Variants in RREB1 observed in about 807,000 individuals in gnomAD.
The protein encoded by RREB1 is ras responsive element binding protein 1, also known as ras-responsive element-binding protein 1.
In RREB1, 27 loss-of-function variants were observed where a neutral mutation model predicts 117.8. The observed-to-expected ratio is 0.23, with a 90% CI of 0.17 to 0.32. The LOEUF (loss-of-function observed/expected upper bound fraction) is 0.32. Ranked by LOEUF, RREB1 falls within the 10% of genes least tolerant of loss-of-function variation. The pLI, the probability that RREB1 is intolerant of heterozygous loss-of-function variation, is 1.00. For missense variants in RREB1, 2,577 were observed against 2,378.2 expected (o/e 1.08, Z -1.74); for synonymous variants, 1,298 against 1,026.7 (o/e 1.26, Z -5.05).
chr6:7,199,893 C>A (rs2113586013), intron 6 of RREB1, among the ~76,000 whole-genome samples: 1 of 152,126 alleles, frequency 6.6e-6, no homozygotes, highest in East Asian at 1.9e-4. Flanking sequence ...GTGGTTCTTT[C>A]CAGAATTTTT....
At position 7,246,734 on chromosome 6, in the gene RREB1, G is replaced by A. The variant is rs1474213806; in HGVS notation, c.4284G>A (p.Lys1428=). The change falls in exon 12 of 13, where the codon AAG becomes AAA. Residue 1428 remains lysine (K), a synonymous_variant. Transcript: ENST00000379938. ...TCGCCACCAAGCTCATGGACTTCAA[G>A]CTGGCGGAGGGCGACGGCGAGGCAG... The part of the protein sequence containing the change: ...LDFATKLMDF[K]LAEGDGEAGA... 10 of 1,578,512 alleles carry A rather than the reference G, an allele frequency of 6.3e-6. No homozygotes were observed. The highest frequency in any genetic ancestry group is 2.3e-5 in the East Asian group (1 of 42,750).
chr6:7,133,501 C>T (rs1272883113), intron 1 of RREB1, among the ~76,000 whole-genome samples: 2 of 152,056 alleles, frequency 1.3e-5, no homozygotes, highest in African/African-American at 4.8e-5. Flanking sequence ...GCAGGAGGAT[C>T]GCTTGAACCT....
chr6:7,136,108 A>T (rs1335401379), intron 1 of RREB1, among the ~76,000 whole-genome samples: 1 of 152,170 alleles, frequency 6.6e-6, no homozygotes, highest in East Asian at 1.9e-4. Flanking sequence ...ATGACTTTTG[A>T]TGGAACTGAC....
chr6:7,124,808 A>T (rs1356094944), intron 1 of RREB1, among the ~76,000 whole-genome samples: 1 of 152,186 alleles, frequency 6.6e-6, no homozygotes, highest in Non-Finnish European at 1.5e-5. Flanking sequence ...CATGATGTAG[A>T]TGCAGTTGTT....
chr6:7,145,372 G>A (rs923437162), intron 1 of RREB1, among the ~76,000 whole-genome samples: 2 of 152,152 alleles, frequency 1.3e-5, no homozygotes, highest in African/African-American at 4.8e-5. Flanking sequence ...GCTTAAAATG[G>A]CAACTGAAAC....
At chr6:7,188,041 C>T (rs1006930619) in intron 5 of RREB1, among the ~76,000 whole-genome samples, 31 of 152,054 alleles carry the variant, frequency 2.0e-4, no homozygotes, top group Non-Finnish European at 3.5e-4. Context: ...TGGTGGCATG[C>T]ACCTGTAATC....
At chr6:7,143,377 G>A (rs902157148) in intron 1 of RREB1, among the ~76,000 whole-genome samples, 2 of 152,186 alleles carry the variant, frequency 1.3e-5, no homozygotes, top group Non-Finnish European at 2.9e-5. Context: ...GGCTATGGTC[G>A]TTCACTCCCT....
rs1764798985 is a variant in RREB1, at chr6:7,181,638, T to C, written c.-42-232T>C. 5 of 595,776 alleles carry C rather than the reference T, an allele frequency of 8.4e-6. No homozygotes were observed. In the East Asian group the frequency reaches 8.4e-5, roughly 10 times the overall value. 36.9% of individuals were successfully genotyped at this position (595,776 alleles called of 1,614,324 possible). On this transcript the variant is annotated intron_variant, in intron 3 of 12. Transcript: ENST00000379938. The stretch of plus-strand genomic sequence containing the variant: ...TGCCTCTCATGAGTTTGAGTCCTGT[T>C]GGTAGTGCACACTCAGAAAGGAGGC...
chr6:7,221,184 C>T (rs576046406), intron 8 of RREB1, among the ~76,000 whole-genome samples: 64 of 150,002 alleles, frequency 4.3e-4, no homozygotes, highest in Non-Finnish European at 6.4e-4. Flanking sequence ...TTTTTTGAGA[C>T]GGAGTCTCGC....
At chr6:7,244,455 T>C (rs990801170) in intron 11 of RREB1, among the ~76,000 whole-genome samples, 5 of 152,134 alleles carry the variant, frequency 3.3e-5, no homozygotes, top group African/African-American at 1.2e-4. Context: ...GAGCGTTCTG[T>C]ATTTTTATTG....
chr6:7,169,461 G>GAC (rs1167719807), intron 1 of RREB1, among the ~76,000 whole-genome samples: 1 of 152,224 alleles, frequency 6.6e-6, no homozygotes, highest in Non-Finnish European at 1.5e-5. Flanking sequence ...TGGCAGGCAG[G>GAC]CTGAAAAACA....
chr6:7,131,821 A>G (rs1048931239), intron 1 of RREB1, among the ~76,000 whole-genome samples: 6 of 151,876 alleles, frequency 4.0e-5, no homozygotes, highest in South Asian at 2.1e-4. Context: ...TAAATGGGGG[A>G]AGAAAGGGAG....
chr6:7,226,792 T>G, intron 9 of RREB1, 136 bp downstream of exon 9: 1 of 705,628 alleles, frequency 1.4e-6, no homozygotes, highest in Admixed American at 2.7e-5. Context: ...GTAACACCTT[T>G]TTTCTTAAAA....
chr6:7,126,781 G>A (rs2113338414), intron 1 of RREB1, among the ~76,000 whole-genome samples: 1 of 152,276 alleles, frequency 6.6e-6, no homozygotes, highest in African/African-American at 2.4e-5. Flanking sequence ...ACCACCATCA[G>A]CAAGCCTGCA....
At chr6:7,147,854 G>GAAA (rs78572202) in intron 1 of RREB1, among the ~76,000 whole-genome samples, 1 of 138,904 alleles carries the variant, frequency 7.2e-6, no homozygotes. Flanking sequence ...GTGAGTTCAG[G>GAAA]AAAAAAAAAA....
intron 1 of RREB1, among the ~76,000 whole-genome samples, chr6:7,174,444 C>A (rs978804449): frequency 6.6e-6 from 1 of 152,000 alleles, no homozygotes; most frequent in Non-Finnish European, 1.5e-5. Context: ...GCTTCCAGGA[C>A]GCTACCCGGT....
chr6:7,123,692 G>A (rs989673705), intron 1 of RREB1, among the ~76,000 whole-genome samples: 1 of 139,910 alleles, frequency 7.1e-6, no homozygotes, highest in African/African-American at 2.7e-5. Context: ...CTCACTGCAA[G>A]CTCCGCCTCC....
intron 1 of RREB1, among the ~76,000 whole-genome samples, chr6:7,155,724 T>C (rs1006192599): frequency 6.6e-6 from 1 of 152,266 alleles, no homozygotes; most frequent in African/African-American, 2.4e-5. Context: ...ATTTAATCTT[T>C]TGAATTTTGA....
At chr6:7,159,244 T>C (rs187262090) in intron 1 of RREB1, among the ~76,000 whole-genome samples, 60 of 152,304 alleles carry the variant, frequency 3.9e-4, no homozygotes, top group Admixed American at 1.3e-3. Flanking sequence ...TTCCTAGGAA[T>C]TGATAGGTTG....
Sources: gnomAD v4.1 joint callset for allele counts (sites outside exome capture counted in the v4.1 genomes callset) on GRCh38, gnomAD v4.1.1 for gene constraint, MANE v1.5 for transcripts, NCBI Gene and HGNC (gene_info 2026-07-23, HGNC 2026-07-21) for gene names.